Variants in FRS3 observed in about 807,000 individuals in gnomAD.
FRS3 encodes fibroblast growth factor receptor substrate 3.
In FRS3, 17 loss-of-function variants were observed where a neutral mutation model predicts 41.9. That is an observed-to-expected ratio of 0.41 (90% CI 0.28 to 0.61). The LOEUF (loss-of-function observed/expected upper bound fraction) is 0.61. Ranked by LOEUF, FRS3 falls within the 20% of genes least tolerant of loss-of-function variation. The pLI, the probability that FRS3 is intolerant of heterozygous loss-of-function variation, is 0.36. For missense variants in FRS3, 619 were observed against 672.1 expected (o/e 0.92, Z 0.87); for synonymous variants, 287 against 274.5 (o/e 1.05, Z -0.45).
In FRS3 at chr6:41,770,801, G is replaced by T. The variant is rs751306785; in HGVS notation, c.1297C>A (p.Pro433Thr). ...GCTTGGGGGCTCGAGGGGTTCTGGGGCCCCTTAGGGCGGTCTCCACCCCAG... is the reference window on the plus strand; with the variant it reads ...GCTTGGGGGCTCGAGGGGTTCTGGGTCCCCTTAGGGCGGTCTCCACCCCAG... ...KGWGGDRPKG[P>T]QNPSSPQAPM... Residue 433 changes from proline (P) to threonine (T), a missense_variant, in exon 7 of 7, where the codon CCC (proline) becomes ACC (threonine). By Grantham distance (38) the Pro-to-Thr change is conservative. Transcript: ENST00000373018. The T allele has an allele frequency of 5.6e-6, 9 of 1,610,686 alleles. 1 individual carries two copies. The highest frequency in any genetic ancestry group is 6.8e-6 in the Non-Finnish European group (8 of 1,179,012).
chr6:41,770,554 G>C lies in FRS3; in HGVS notation c.*65C>G. On this transcript the variant is annotated 3_prime_UTR_variant, in exon 7 of 7. Transcript: ENST00000373018. ...GAACCCTGGGGAGGGTGGGTTCAGA[G>C]GACAGGAGTGTGAGGCAGAGGCTGG... 1 of 1,534,042 alleles carries C rather than the reference G, an allele frequency of 6.5e-7. No homozygotes were observed. Among genetic ancestry groups the C allele is most frequent in the Non-Finnish European group, 9.0e-7 (1 of 1,107,892 alleles).
chr6:41,772,984 C>T (rs367815365), intron 4 of FRS3, 25 bp from the exon 5 acceptor site: 9 of 1,610,348 alleles, frequency 5.6e-6, no homozygotes, highest in Non-Finnish European at 7.6e-6. Flanking sequence ...GAAGAAATGA[C>T]CCTAGGCAAT....
rs1361749946 is a variant in FRS3, at chr6:41,771,804, C to G, written c.564+12G>C. ...GACCAACAGGGCAGGGGCTGGCCGG[C>G]TGCGTGCTCACCTGCTCATCAGGAG... On this transcript the variant is annotated intron_variant, in intron 6 of 6. Coordinates refer to ENST00000373018, the MANE Select transcript of FRS3 (RefSeq NM_006653.5). The G allele has an allele frequency of 3.9e-6, 6 of 1,549,774 alleles. No homozygotes were observed. In the African/African-American group the frequency reaches 6.8e-5, roughly 18 times the overall value.
Position 41,775,558 on chromosome 6 carries a change from C to T in FRS3, c.114G>A (p.Met38Ile). ...DEGVELGSGVMELTQSELVLH... is the reference protein window; with the variant it reads ...DEGVELGSGVIELTQSELVLH... Reference sequence around the variant, plus strand: ...GCACCAGCTCACTCTGCGTCAGCTCCATCACCCCAGAGCCCAGCTCCACCC... The same window carrying T: ...GCACCAGCTCACTCTGCGTCAGCTCTATCACCCCAGAGCCCAGCTCCACCC... The change falls in exon 4 of 7, where the codon ATG (methionine) becomes ATA (isoleucine). Residue 38 changes from methionine (M) to isoleucine (I), a missense_variant. Met to Ile is a conservative substitution (Grantham distance 10, BLOSUM62 1). Around this residue, in one of 3 missense-constraint regions of FRS3, gnomAD observed 100 missense variants for 138.1 expected, o/e 0.72. Coordinates refer to ENST00000373018, the MANE Select transcript of FRS3 (RefSeq NM_006653.5). The T allele has an allele frequency of 6.2e-7, 1 of 1,614,128 alleles. No individual in the cohort carries two copies. Among genetic ancestry groups the T allele is most frequent in the Non-Finnish European group, 8.5e-7 (1 of 1,179,966 alleles).
intron 4 of FRS3, 75 bp from the exon 5 acceptor site, chr6:41,773,034 A>C: frequency 1.6e-6 from 2 of 1,263,644 alleles, no homozygotes; most frequent in Non-Finnish European, 2.3e-6. Context: ...CACAATGTGC[A>C]GGAAATGTCC....
At chr6:41,773,566 A>C (rs1402594141) in intron 4 of FRS3, among the ~76,000 whole-genome samples, 11 of 151,926 alleles carry the variant, frequency 7.2e-5, no homozygotes. Flanking sequence ...GGGTCACAAG[A>C]AGAGAATCAA....
intron 1 of FRS3, among the ~76,000 whole-genome samples, chr6:41,779,121 G>T (rs940602137): frequency 6.6e-6 from 1 of 152,148 alleles, no homozygotes; most frequent in South Asian, 2.1e-4. Flanking sequence ...ACGGGGGCAC[G>T]GCGCGGGCAC....
Position 41,775,726 on chromosome 6 carries a change from A to G in FRS3, c.67-121T>C, listed in dbSNP as rs868331425. On this transcript the variant is annotated intron_variant, in intron 3 of 6. Transcript: ENST00000373018. Reference sequence around the variant, plus strand: ...GGTGGGGAACCAAAGGTCACATCCGACTATCACAGACTCTACTGAATGCCA... The same window carrying G: ...GGTGGGGAACCAAAGGTCACATCCGGCTATCACAGACTCTACTGAATGCCA... 5.9e-5 allele frequency: 43 copies of G among 724,278 alleles called. 1 individual carries two copies. The South Asian group carries it at 6.3e-4, about 11-fold the overall frequency. The allele number at this position is 724,278 out of a possible 1,614,324, so 44.9% of individuals were successfully genotyped here. A position where few individuals can be genotyped will look rare whatever the true frequency, so the allele number is the denominator to read the frequency against.
rs532167853 is a variant in FRS3, at chr6:41,770,871, G to A, written c.1227C>T (p.Pro409=). 2.1e-4 allele frequency: 331 copies of A among 1,609,532 alleles called. No individual in the cohort carries two copies. Among genetic ancestry groups the A allele is most frequent in the Non-Finnish European group, 1.7e-4 (201 of 1,179,916 alleles). The change falls in exon 7 of 7, where the codon CCC becomes CCT. Residue 409 remains proline (P), a synonymous_variant. Coordinates refer to ENST00000373018, the MANE Select transcript of FRS3 (RefSeq NM_006653.5). ...VFNFDFRRPG[P]EPPRQLNYIQ... is the part of the protein sequence containing the mutation. ...TGTAGTTAAGCTGCCTTGGGGGCTC[G>A]GGCCCCGGCCGGCGGAAATCAAAGT... is the stretch of plus-strand genomic sequence containing the variant.
At position 41,775,589 on chromosome 6, in the gene FRS3, T is replaced by C; in HGVS notation, c.83A>G (p.Asp28Gly). 1 of 1,613,878 alleles carries C rather than the reference T, an allele frequency of 6.2e-7. No individual in the cohort carries two copies. The highest frequency in any genetic ancestry group is 8.5e-7 in the Non-Finnish European group (1 of 1,179,802). The change falls in exon 4 of 7, where the codon GAT becomes GGT. Residue 28 changes from aspartate (D) to glycine (G), a missense_variant. Physicochemically the swap from Asp to Gly is moderately conservative, Grantham distance 94 (BLOSUM62 -1). This residue lies in a region of FRS3 where 100 missense variants were observed against 138.1 expected (regional missense o/e 0.72). Transcript: ENST00000373018. ...PTKFKVTNVDDEGVELGSGVM... is the reference protein window; with the variant it reads ...PTKFKVTNVDGEGVELGSGVM... The stretch of plus-strand genomic sequence containing the variant: ...CCCAGAGCCCAGCTCCACCCCCTCA[T>C]CATCCACATTTGTCACCTGGAGGGG...
At position 41,771,307 on chromosome 6, in the gene FRS3, T is replaced by G; in HGVS notation, c.791A>C (p.His264Pro). ...GTTATTATTGTGGTGTGGGGGGTCA[T>G]GCAGGCTGGGACAGAGGCCCTGGCA... ...VKCQGLCPSLHDPPHHNNNNE... is the reference protein window; with the variant it reads ...VKCQGLCPSLPDPPHHNNNNE... Residue 264 changes from histidine to proline, a missense_variant, in exon 7 of 7, where the codon CAT (histidine) becomes CCT (proline). Physicochemically the swap from His to Pro is moderately conservative, Grantham distance 77. Coordinates refer to ENST00000373018, the MANE Select transcript of FRS3 (RefSeq NM_006653.5). The G allele has an allele frequency of 6.2e-7, 1 of 1,613,436 alleles. No homozygotes were observed. The highest frequency in any genetic ancestry group is 1.1e-5 in the South Asian group (1 of 90,986).
Position 41,771,520 on chromosome 6 carries a change from A to G in FRS3, c.578T>C (p.Val193Ala), listed in dbSNP as rs767637639. The G allele has an allele frequency of 1.3e-6, 2 of 1,540,966 alleles. No homozygotes were observed. Among genetic ancestry groups the G allele is most frequent in the Admixed American group, 1.9e-5 (1 of 52,136 alleles). Reference sequence around the variant, plus strand: ...GTCATCTTCACTGGCCGGTGTGTTGACATAGGTGTGGGACTGGGGAAAGAG... The same window carrying G: ...GTCATCTTCACTGGCCGGTGTGTTGGCATAGGTGTGGGACTGGGGAAAGAG... ...IAPDEQSHTY[V>A]NTPASEDDHR... Residue 193 changes from valine to alanine, a missense_variant, in exon 7 of 7, where the codon GTC becomes GCC. Physicochemically the swap from Val to Ala is moderately conservative, Grantham distance 64. Around this residue, in one of 3 missense-constraint regions of FRS3, gnomAD observed 487 missense variants for 478.3 expected, o/e 1.02. Transcript: ENST00000373018.
At chr6:41,776,081 C>T (rs1487493468) in intron 3 of FRS3, among the ~76,000 whole-genome samples, 1 of 152,134 alleles carries the variant, frequency 6.6e-6, no homozygotes, top group African/African-American at 2.4e-5. Context: ...AGGGCTCCCT[C>T]TTCTGGTGGG....
At position 41,770,794 on chromosome 6, in the gene FRS3, T is replaced by A; in HGVS notation, c.1304A>T (p.Asn435Ile). 1.2e-6 allele frequency: 2 copies of A among 1,611,030 alleles called. No individual in the cohort carries two copies. Among genetic ancestry groups the A allele is most frequent in the Non-Finnish European group, 1.7e-6 (2 of 1,179,046 alleles). ...CATGGGGGCTTGGGGGCTCGAGGGG[T>A]TCTGGGGCCCCTTAGGGCGGTCTCC... ...WGGDRPKGPQNPSSPQAPMPT... is the reference protein window; with the variant it reads ...WGGDRPKGPQIPSSPQAPMPT... The change falls in exon 7 of 7, where the codon AAC becomes ATC. Residue 435 changes from asparagine to isoleucine, a missense_variant. This residue lies in a region of FRS3 where 487 missense variants were observed against 478.3 expected (regional missense o/e 1.02). Transcript: ENST00000373018.
chr6:41,776,857 A>G, intron 3 of FRS3, 65 bp downstream of exon 3: 3 of 1,327,190 alleles, frequency 2.3e-6, no homozygotes, highest in Non-Finnish European at 3.3e-6. Flanking sequence ...AGGCAACTCC[A>G]TTAAATTGTG....
chr6:41,779,863 T>G lies in FRS3; in HGVS notation c.-215A>C, dbSNP rs1301300104. 1 of 145,926 alleles carries G rather than the reference T, an allele frequency of 6.9e-6. No homozygotes were observed. The highest frequency in any genetic ancestry group is 6.8e-5 in the Admixed American group (1 of 14,762). 9.0% of individuals were successfully genotyped at this position (145,926 alleles called of 1,614,324 possible). ...GCCGGGCCCCGCTCCCGGGTCCCGCTGCAGCAGCCGCCGCCCGCCCGGAGC... is the reference window on the plus strand; with the variant it reads ...GCCGGGCCCCGCTCCCGGGTCCCGCGGCAGCAGCCGCCGCCCGCCCGGAGC... On this transcript the variant is annotated 5_prime_UTR_variant, in exon 1 of 7. Coordinates refer to ENST00000373018, the MANE Select transcript of FRS3 (RefSeq NM_006653.5).
At chr6:41,775,743 T>C in intron 3 of FRS3, 138 bp from the exon 4 acceptor site, 1 of 690,758 alleles carries the variant, frequency 1.4e-6, no homozygotes, top group Non-Finnish European at 2.6e-6. Flanking sequence ...CAGACTCTAC[T>C]GAATGCCACA....
intron 4 of FRS3, 30 bp from the exon 5 acceptor site, chr6:41,772,989 G>A (rs746765844): frequency 1.2e-6 from 2 of 1,603,232 alleles, no homozygotes; most frequent in African/African-American, 2.7e-5. Context: ...AATGACCCTA[G>A]GCAATAGGGA....
At position 41,775,569 on chromosome 6, in the gene FRS3, A is replaced by G. The variant is rs1159782583; in HGVS notation, c.103T>C (p.Ser35Pro). The change falls in exon 4 of 7, where the codon TCT (serine) becomes CCT (proline). Residue 35 changes from serine (S) to proline (P), a missense_variant. Physicochemically the swap from Ser to Pro is moderately conservative, Grantham distance 74. Coordinates refer to ENST00000373018, the MANE Select transcript of FRS3 (RefSeq NM_006653.5). ...NVDDEGVELG[S>P]GVMELTQSEL... is the part of the protein sequence containing the mutation. Reference sequence around the variant, plus strand: ...CTCTGCGTCAGCTCCATCACCCCAGAGCCCAGCTCCACCCCCTCATCATCC... The same window carrying G: ...CTCTGCGTCAGCTCCATCACCCCAGGGCCCAGCTCCACCCCCTCATCATCC... 3 of 1,613,938 alleles carry G rather than the reference A, an allele frequency of 1.9e-6. No individual in the cohort carries two copies. The highest frequency in any genetic ancestry group is 3.3e-5 in the Admixed American group (2 of 60,000).
Sources: allele counts gnomAD v4.1 joint callset (sites outside exome capture counted in the v4.1 genomes callset), GRCh38; gene constraint gnomAD v4.1.1; regional missense constraint gnomAD v4.1.1; transcripts MANE v1.5; gene names NCBI Gene and HGNC (gene_info 2026-07-23, HGNC 2026-07-21).